The following GLI2 variants were observed in gnomAD, a reference collection of about 807,000 sequenced individuals.
GLI2 encodes the protein GLI family zinc finger 2.
Under a neutral mutation model 78.9 loss-of-function variants are expected in GLI2, and 22 were observed. That is an observed-to-expected ratio of 0.28 (90% CI 0.20 to 0.40). The LOEUF is 0.40. Among genes scored for constraint, GLI2 ranks in the 10% least tolerant of loss-of-function variants. The pLI is 1.00. For missense variants in GLI2, 2,097 were observed against 2,213.2 expected (o/e 0.95, Z 1.05); for synonymous variants, 974 against 963.7 (o/e 1.01, Z -0.20).
intron 3 of GLI2, among the ~76,000 whole-genome samples, chr2:120,943,697 C>T (rs114533914): frequency 0.028 from 4,238 of 152,246 alleles, 215 homozygotes; most frequent in African/African-American, 0.098. Flanking sequence ...CTGGCCCCAG[C>T]CACCAGCACA....
intron 2 of GLI2, among the ~76,000 whole-genome samples, chr2:120,808,946 T>A (rs558058209): frequency 3.3e-5 from 5 of 152,168 alleles, no homozygotes; most frequent in Non-Finnish European, 5.9e-5. Context: ...AGCGCCCACA[T>A]GCCTGGCCCC....
At chr2:120,812,183 GGGA>G (rs1183483636) in intron 2 of GLI2, among the ~76,000 whole-genome samples, 3 of 152,198 alleles carry the variant, frequency 2.0e-5, no homozygotes, top group African/African-American at 4.8e-5. Context: ...CCTCTGCTGT[GGGA>G]GGAGAAGAAA....
intron 1 of GLI2, among the ~76,000 whole-genome samples, chr2:120,757,224 CT>C (rs33940321): frequency 0.81 from 108,076 of 132,830 alleles, 43,683 homozygotes; most frequent in Admixed American, 0.86. Flanking sequence ...TACTTTTCTG[CT>C]TTTTTTTTTT....
chr2:120,951,887 C>T (rs1681012944), intron 4 of GLI2: 1 of 156,336 alleles, frequency 6.4e-6, no homozygotes, highest in African/African-American at 2.4e-5. Flanking sequence ...CAAGTGGCAG[C>T]CCAGGCCCTG....
intron 2 of GLI2, among the ~76,000 whole-genome samples, chr2:120,919,815 G>T (rs905606726): frequency 8.3e-5 from 12 of 144,502 alleles, no homozygotes; most frequent in African/African-American, 2.9e-4. Flanking sequence ...TGCAGCTACC[G>T]CACTGGCCTC....
rs145116332 is a variant in GLI2, at chr2:120,803,478, C to G, written c.148+6010C>G. Among the ~76,000 whole-genome samples, 1,376 of 152,334 alleles carry G rather than the reference C, an allele frequency of 9.0e-3. 17 individuals are homozygous for G. Among genetic ancestry groups the G allele is most frequent in the African/African-American group, 0.031 (1,282 of 41,572 alleles). Reference sequence around the variant, plus strand: ...TACTCTGCCTGACTTAGAAAGTTTCCCTTTCACTGGTAACCCTTGCCTGCT... The same window carrying G: ...TACTCTGCCTGACTTAGAAAGTTTCGCTTTCACTGGTAACCCTTGCCTGCT... On this transcript the variant is annotated intron_variant, in intron 2 of 13. Coordinates refer to ENST00000361492, the MANE Select transcript of GLI2 (RefSeq NM_001374353.1).
chr2:120,777,149 G>A (rs1266529568), intron 1 of GLI2, among the ~76,000 whole-genome samples: 1 of 152,226 alleles, frequency 6.6e-6, no homozygotes, highest in Non-Finnish European at 1.5e-5. Flanking sequence ...GTGGGAACCA[G>A]CGTGTGTCTT....
chr2:120,778,744 C>T (rs899105839), intron 1 of GLI2, among the ~76,000 whole-genome samples: 2 of 152,214 alleles, frequency 1.3e-5, no homozygotes, highest in Admixed American at 1.3e-4. Flanking sequence ...ACCTGGCACA[C>T]CCATGGCCTC....
intron 3 of GLI2, among the ~76,000 whole-genome samples, chr2:120,939,846 T>A (rs1280099276): frequency 6.6e-6 from 1 of 152,246 alleles, no homozygotes; most frequent in Non-Finnish European, 1.5e-5. Context: ...ATTGCCAGAC[T>A]TCGCCCGCTG....
At chr2:120,984,007 C>T (rs1682847239) in intron 11 of GLI2, among the ~76,000 whole-genome samples, 1 of 150,192 alleles carries the variant, frequency 6.7e-6, no homozygotes. Flanking sequence ...GACTGAGGTT[C>T]GGAAATCCTG....
chr2:120,843,826 T>C (rs1380511609), intron 2 of GLI2, among the ~76,000 whole-genome samples: 1 of 152,022 alleles, frequency 6.6e-6, no homozygotes, highest in Non-Finnish European at 1.5e-5. Flanking sequence ...GCCACCACGC[T>C]TGGCTAATTT....
intron 1 of GLI2, among the ~76,000 whole-genome samples, chr2:120,758,040 C>A (rs1440496199): frequency 6.6e-6 from 1 of 152,176 alleles, no homozygotes; most frequent in African/African-American, 2.4e-5. Flanking sequence ...GAGTGGTCCA[C>A]TGTAAGGATA....
intron 2 of GLI2, among the ~76,000 whole-genome samples, chr2:120,813,400 C>T (rs1210759776): frequency 6.6e-6 from 1 of 152,186 alleles, no homozygotes; most frequent in African/African-American, 2.4e-5. Context: ...CTGCCACGTG[C>T]CCTTGAGCAT....
intron 10 of GLI2, among the ~76,000 whole-genome samples, chr2:120,981,374 T>C (rs541135141): frequency 6.6e-5 from 10 of 152,344 alleles, no homozygotes; most frequent in African/African-American, 2.4e-4. Flanking sequence ...TGCCTGGATC[T>C]CTATGTCTCT....
chr2:120,762,191 C>A (rs1329536542), intron 1 of GLI2, among the ~76,000 whole-genome samples: 2 of 152,052 alleles, frequency 1.3e-5, no homozygotes, highest in African/African-American at 4.8e-5. Flanking sequence ...TTAGGGGTTT[C>A]TACTGGGGCA....
At chr2:120,817,072 A>G (rs972342033) in intron 2 of GLI2, among the ~76,000 whole-genome samples, 23 of 152,204 alleles carry the variant, frequency 1.5e-4, no homozygotes, top group African/African-American at 5.3e-4. Flanking sequence ...CCAAAGCTAC[A>G]CTGGAAAATA....
chr2:120,807,270 G>A (rs905298995), intron 2 of GLI2, among the ~76,000 whole-genome samples: 4 of 152,142 alleles, frequency 2.6e-5, no homozygotes, highest in African/African-American at 9.7e-5. Flanking sequence ...TCTCGGTTGG[G>A]TATCCTGTGC....
intron 2 of GLI2, among the ~76,000 whole-genome samples, chr2:120,859,541 G>A (rs2104635804): frequency 6.9e-6 from 1 of 145,640 alleles, no homozygotes; most frequent in African/African-American, 2.6e-5. Context: ...TGCAACCTCT[G>A]CCTCCCGGGT....
chr2:120,928,741 T>C (rs1355475514), intron 3 of GLI2, among the ~76,000 whole-genome samples: 7 of 152,248 alleles, frequency 4.6e-5, no homozygotes, highest in African/African-American at 7.2e-5. Flanking sequence ...ACTTCTACTT[T>C]CTTTTTAAAA....
Sources: allele counts gnomAD v4.1 joint callset (sites outside exome capture counted in the v4.1 genomes callset), GRCh38; gene constraint gnomAD v4.1.1; transcripts MANE v1.5; gene names NCBI Gene and HGNC (gene_info 2026-07-23, HGNC 2026-07-21).